The following ARMC9 variants were observed in gnomAD, a reference collection of about 807,000 sequenced individuals.
ARMC9 encodes the protein lisH domain-containing protein ARMC9.
A neutral mutation model predicts 107.0 loss-of-function variants in ARMC9; 94 were observed. The ratio of observed to expected loss-of-function variants is 0.88; its 90% confidence interval spans 0.74 to 1.04. ARMC9 has a LOEUF of 1.04. ARMC9 is among the 50% of genes least tolerant of loss of function. ARMC9 has a pLI of 0.00. For missense variants in ARMC9, 942 were observed against 1,030.1 expected (o/e 0.91, Z 1.17); for synonymous variants, 380 against 396.9 (o/e 0.96, Z 0.51).
chr2:231,285,551 C>T (rs1347860075), intron 17 of ARMC9, among the ~76,000 whole-genome samples: 1 of 151,644 alleles, frequency 6.6e-6, no homozygotes, highest in Non-Finnish European at 1.5e-5. Context: ...GAGGCTGAGG[C>T]AGGAGAATCG....
intron 17 of ARMC9, among the ~76,000 whole-genome samples, chr2:231,285,144 G>T (rs2040494973): frequency 6.6e-6 from 1 of 152,130 alleles, no homozygotes; most frequent in Middle Eastern, 3.4e-3. Context: ...GTTGCAGTGA[G>T]CCAAGATCAT....
chr2:231,303,868 G>A (rs1326647216), intron 19 of ARMC9, among the ~76,000 whole-genome samples: 1 of 152,096 alleles, frequency 6.6e-6, no homozygotes, highest in Non-Finnish European at 1.5e-5. Flanking sequence ...CCTGGGAGGT[G>A]GAGGTTGCAG....
chr2:231,214,710 A>G (rs911710633), intron 3 of ARMC9, 121 bp from the exon 4 acceptor site: 6 of 1,070,168 alleles, frequency 5.6e-6, no homozygotes, highest in Non-Finnish European at 8.0e-6. Context: ...TGGGATCTCT[A>G]TTTTTCTATC....
intron 19 of ARMC9, among the ~76,000 whole-genome samples, chr2:231,296,907 TG>T (rs1481365118): frequency 6.6e-6 from 1 of 152,224 alleles, no homozygotes; most frequent in African/African-American, 2.4e-5. Flanking sequence ...TTGTCCCCTC[TG>T]GTCATCCTTG....
At chr2:231,281,794 CTT>C (rs1306058952) in intron 16 of ARMC9, among the ~76,000 whole-genome samples, 2 of 152,168 alleles carry the variant, frequency 1.3e-5, no homozygotes, top group Non-Finnish European at 2.9e-5. Flanking sequence ...TTAAAGGTAA[CTT>C]TAATTAAGCA....
Position 231,291,421 on chromosome 2 carries a change from C to A in ARMC9, c.1695C>A (p.Phe565Leu). The A allele has an allele frequency of 6.2e-7, 1 of 1,613,516 alleles. No homozygotes were observed. The highest frequency in any genetic ancestry group is 1.1e-5 in the South Asian group (1 of 91,068). The change falls in exon 18 of 25, where the codon TTC becomes TTA. Residue 565 changes from phenylalanine to leucine, a missense_variant. Phe to Leu is a conservative substitution (Grantham distance 22, BLOSUM62 0). Coordinates refer to ENST00000611582, the MANE Select transcript of ARMC9 (RefSeq NM_001352754.2). ...CTGAAATGATCCGCCAGATAGAATTCATCATCAAGCAGCTAAATTCCGGTC... is the reference window on the plus strand; with the variant it reads ...CTGAAATGATCCGCCAGATAGAATTAATCATCAAGCAGCTAAATTCCGGTC... ...GNAEMIRQIE[F>L]IIKQLNSEEL...
intron 19 of ARMC9, among the ~76,000 whole-genome samples, chr2:231,321,326 G>A (rs1231605197): frequency 6.6e-6 from 1 of 152,184 alleles, no homozygotes; most frequent in Non-Finnish European, 1.5e-5. Context: ...GATGGAGCGG[G>A]GATGGAAAGC....
intron 11 of ARMC9, 44 bp from the exon 12 acceptor site, chr2:231,262,262 T>C (rs376531532): frequency 3.8e-6 from 6 of 1,587,292 alleles, no homozygotes; most frequent in East Asian, 4.5e-5. Flanking sequence ...CTTTTCTCCA[T>C]GATAAGACTT....
In ARMC9 at chr2:231,223,059, A is replaced by G. The variant is rs528812523; in HGVS notation, c.597+239A>G. Among the ~76,000 whole-genome samples the G allele has an allele frequency of 6.6e-5, 10 of 152,314 alleles. No individual in the cohort carries two copies. The South Asian group carries it at 1.9e-3, about 28-fold the overall frequency. ...GGTCTTATTTTGATGTCACGTGGCT[A>G]GAAGTTGTCTTGGTAGAAAAGAAAG... On this transcript the variant is annotated intron_variant, in intron 6 of 24. Coordinates refer to ENST00000611582, the MANE Select transcript of ARMC9 (RefSeq NM_001352754.2).
In ARMC9 at chr2:231,204,609, T is replaced by C. The variant is rs77853740; in HGVS notation, c.-41-1589T>C. ...CTGTACTGTGTGCCAGGCACTGGTC[T>C]AGGCACAGGGGAACACCTGTCAGGT... On this transcript the variant is annotated intron_variant, in intron 1 of 24. Coordinates refer to ENST00000611582, the MANE Select transcript of ARMC9 (RefSeq NM_001352754.2). Among the ~76,000 whole-genome samples, 1,040 of 152,182 alleles carry C rather than the reference T, an allele frequency of 6.8e-3. 12 individuals are homozygous for C. Among genetic ancestry groups the C allele is most frequent in the African/African-American group, 0.024 (994 of 41,506 alleles).
Position 231,238,125 on chromosome 2 carries a change from C to G in ARMC9, c.781-1818C>G, listed in dbSNP as rs1056429454. The stretch of plus-strand genomic sequence containing the variant: ...ATTGAAAGTTGAAGGTGGGTTGAGA[C>G]AGTAAATGCAAGCGGTTCTTTCAAG... On this transcript the variant is annotated intron_variant, in intron 8 of 24. Coordinates refer to ENST00000611582, the MANE Select transcript of ARMC9 (RefSeq NM_001352754.2). Among the ~76,000 whole-genome samples the G allele has an allele frequency of 4.0e-5, 6 of 151,680 alleles. No individual in the cohort carries two copies. The East Asian group carries it at 1.2e-3, about 29-fold the overall frequency.
chr2:231,229,515 T>C (rs2035007876), intron 7 of ARMC9, among the ~76,000 whole-genome samples: 1 of 152,236 alleles, frequency 6.6e-6, no homozygotes. Context: ...CGGATTATTA[T>C]TTTCACCTAG....
At chr2:231,323,141 A>G (rs1448297288) in intron 19 of ARMC9, among the ~76,000 whole-genome samples, 1 of 152,040 alleles carries the variant, frequency 6.6e-6, no homozygotes, top group East Asian at 1.9e-4. Flanking sequence ...GTGAGCTGTG[A>G]TCATACCACT....
rs1003815903 is a variant in ARMC9 at position 231,256,255 on chromosome 2, C to T, written c.880-331C>T. ...ATGTAAAAGGCCCCGTGCGCGAGGGCGACGTGCTCACCCTTTTGGAGTCAG... is the reference window on the plus strand; with the variant it reads ...ATGTAAAAGGCCCCGTGCGCGAGGGTGACGTGCTCACCCTTTTGGAGTCAG... On this transcript the variant is annotated intron_variant, in intron 9 of 24. Coordinates refer to ENST00000611582, the MANE Select transcript of ARMC9 (RefSeq NM_001352754.2). The T allele has an allele frequency of 9.7e-6, 15 of 1,547,276 alleles. No homozygotes were observed. In the African/African-American group the frequency reaches 1.5e-4, roughly 16 times the overall value.
At chr2:231,244,775 G>A (rs1468348810) in intron 9 of ARMC9, among the ~76,000 whole-genome samples, 1 of 152,220 alleles carries the variant, frequency 6.6e-6, no homozygotes, top group Non-Finnish European at 1.5e-5. Context: ...AGCCTAGCCC[G>A]CTGCCATTGC....
chr2:231,311,542 G>C (rs1312393095), intron 19 of ARMC9, among the ~76,000 whole-genome samples: 1 of 152,156 alleles, frequency 6.6e-6, no homozygotes, highest in East Asian at 1.9e-4. Context: ...GGCCAAGGCA[G>C]GCGGATCACT....
At chr2:231,252,863 C>T (rs1215529548) in intron 9 of ARMC9, among the ~76,000 whole-genome samples, 1 of 149,002 alleles carries the variant, frequency 6.7e-6, no homozygotes, top group Non-Finnish European at 1.5e-5. Flanking sequence ...TGGTCTCAAA[C>T]TCCTGGGCTC....
At chr2:231,211,870 A>G (rs1353739652) in intron 3 of ARMC9, among the ~76,000 whole-genome samples, 1 of 152,120 alleles carries the variant, frequency 6.6e-6, no homozygotes, top group Non-Finnish European at 1.5e-5. Flanking sequence ...GTCTATTTTT[A>G]TATAACTTCA....
chr2:231,266,047 G>T (rs1326872914), intron 12 of ARMC9, among the ~76,000 whole-genome samples: 1 of 151,606 alleles, frequency 6.6e-6, no homozygotes, highest in Non-Finnish European at 1.5e-5. Context: ...TAAGATGTCA[G>T]AGAATCTGCA....
Sources: allele counts gnomAD v4.1 joint callset (sites outside exome capture counted in the v4.1 genomes callset), GRCh38; gene constraint gnomAD v4.1.1; transcripts MANE v1.5; gene names NCBI Gene and HGNC (gene_info 2026-07-23, HGNC 2026-07-21).